Variants in NEIL1 observed in about 807,000 individuals in gnomAD.
NEIL1 encodes the protein endonuclease 8-like 1.
A neutral mutation model predicts 44.2 loss-of-function variants in NEIL1; 31 were observed. That is an observed-to-expected ratio of 0.70 (90% CI 0.53 to 0.95). The LOEUF (loss-of-function observed/expected upper bound fraction) is 0.95. NEIL1 is among the 40% of genes least tolerant of loss of function. NEIL1 has a pLI of 0.00. For missense variants in NEIL1, 549 were observed against 515.5 expected (o/e 1.07, Z -0.63); for synonymous variants, 254 against 209.7 (o/e 1.21, Z -1.83).
intron 2 of NEIL1, 77 bp downstream of exon 2, chr15:75,349,416 A>AG (rs1201018146): frequency 7.2e-7 from 1 of 1,394,406 alleles, no homozygotes; most frequent in Non-Finnish European, 9.7e-7. Flanking sequence ...TTGGCCAACA[A>AG]GGGGCGAGTC....
At position 75,354,310 on chromosome 15, in the gene NEIL1, G is replaced by A. The variant is rs777320786; in HGVS notation, c.874+33G>A. On this transcript the variant is annotated intron_variant, in intron 7 of 9. Transcript: ENST00000355059. ...ACTCCTAATGTAATAGGCTAAGAGA[G>A]CAGAAAGGACTTCACGCCTGCAAGG... 1.6e-5 allele frequency: 26 copies of A among 1,613,788 alleles called. No homozygotes were observed. The African/African-American group carries it at 3.1e-4, about 19-fold the overall frequency.
intron 1 of NEIL1, chr15:75,347,904 T>C: frequency 8.1e-7 from 1 of 1,235,738 alleles, no homozygotes; most frequent in South Asian, 1.3e-5. Context: ...CTCCCAGGTG[T>C]GGAGGGGGCA....
chr15:75,352,697 G>A lies in NEIL1; in HGVS notation c.714G>A (p.Gln238=). Residue 238 remains glutamine, a synonymous_variant, in exon 5 of 10, where the codon CAG becomes CAA. Transcript: ENST00000355059. The stretch of plus-strand genomic sequence containing the variant: ...ACTCAGTGCCCAAGGAAGTGGTCCA[G>A]TTGGGTGAGGCCAAAGATGGCAGCA... ...LCHSVPKEVV[Q]LGGKGYGSES... The A allele has an allele frequency of 6.2e-7, 1 of 1,609,866 alleles. No homozygotes were observed. The highest frequency in any genetic ancestry group is 8.5e-7 in the Non-Finnish European group (1 of 1,178,002).
rs751370159 is a variant in NEIL1 at position 75,356,626 on chromosome 15, T to C, written c.*1592T>C. 124 of 1,565,632 alleles carry C rather than the reference T, an allele frequency of 7.9e-5. 1 individual carries two copies. In the South Asian group the frequency reaches 1.3e-3, roughly 16 times the overall value. ...CTCACCCTTGTGCGGCATCAGTGCA[T>C]AGGTGAACTCGTGGCGCCCCGTGTC... On this transcript the variant is annotated 3_prime_UTR_variant, in exon 10 of 10. Transcript: ENST00000355059. This position sits in a 1 kb window ranked among gnomAD's most constrained non-coding sequence, Gnocchi z 5.8.
intron 9 of NEIL1, 43 bp from the exon 10 acceptor site, chr15:75,354,921 C>T (rs752693186): frequency 6.2e-7 from 1 of 1,612,598 alleles, no homozygotes; most frequent in African/African-American, 1.3e-5. Context: ...GCCATGGCAG[C>T]CCCTGGAGTC....
At position 75,357,095 on chromosome 15, in the gene NEIL1, T is replaced by A. The variant is rs1353934125; in HGVS notation, c.*2061T>A. 8.4e-6 allele frequency: 5 copies of A among 595,494 alleles called. No homozygotes were observed. The highest frequency in any genetic ancestry group is 1.2e-5 in the Non-Finnish European group (4 of 333,296). 36.9% of individuals were successfully genotyped at this position (595,494 alleles called of 1,614,324 possible). Reference sequence around the variant, plus strand: ...AGTTTCCTTATCTGTGAAACGGGAATAAATAATAGTACTCACCCCATCGAA... The same window carrying A: ...AGTTTCCTTATCTGTGAAACGGGAAAAAATAATAGTACTCACCCCATCGAA... On this transcript the variant is annotated 3_prime_UTR_variant, in exon 10 of 10. Coordinates refer to ENST00000355059, the MANE Select transcript of NEIL1 (RefSeq NM_024608.4).
rs942335434 is a variant in NEIL1, at chr15:75,354,018, C to T, written c.846+152C>T. ...AGGGTCACACCCCTCCCCTCCCATGCGTCCCAGGGTTGCAGCTAGTGGAAG... is the reference window on the plus strand; with the variant it reads ...AGGGTCACACCCCTCCCCTCCCATGTGTCCCAGGGTTGCAGCTAGTGGAAG... On this transcript the variant is annotated intron_variant, in intron 6 of 9. Coordinates refer to ENST00000355059, the MANE Select transcript of NEIL1 (RefSeq NM_024608.4). The T allele has an allele frequency of 8.6e-6, 10 of 1,162,006 alleles. No homozygotes were observed. In the African/African-American group the frequency reaches 9.1e-5, roughly 11 times the overall value. The allele number at this position is 1,162,006 out of a possible 1,614,324, so 72.0% of individuals were successfully genotyped here. A position where few individuals can be genotyped will look rare whatever the true frequency, so the allele number is the denominator to read the frequency against.
At position 75,356,934 on chromosome 15, in the gene NEIL1, C is replaced by G. The variant is rs899357410; in HGVS notation, c.*1900C>G. ...GGCAGATCCAAGACCCACTTGGTGG[C>G]CCTGTGCCCCTCTTTGTGCTCCCAG... On this transcript the variant is annotated 3_prime_UTR_variant, in exon 10 of 10. Transcript: ENST00000355059. This position sits in a 1 kb window ranked among gnomAD's most constrained non-coding sequence, Gnocchi z 5.8. The G allele has an allele frequency of 5.1e-6, 8 of 1,566,014 alleles. No homozygotes were observed. The highest frequency in any genetic ancestry group is 6.2e-6 in the Non-Finnish European group (7 of 1,137,146).
intron 6 of NEIL1, 120 bp from the exon 7 acceptor site, chr15:75,354,130 G>C: frequency 8.2e-7 from 1 of 1,216,994 alleles, no homozygotes. Context: ...ATGTCCTAGA[G>C]GCTTCCTAAG....
In NEIL1 at chr15:75,352,310, T is replaced by C. The variant is rs779910061; in HGVS notation, c.555-14T>C. On this transcript the variant is annotated splice_polypyrimidine_tract_variant and intron_variant, in intron 3 of 9. Coordinates refer to ENST00000355059, the MANE Select transcript of NEIL1 (RefSeq NM_024608.4). ...CCCCACTGCCTAGCATGGCTTGCCT[T>C]GCCCCCACTACAGGCTGAAGATCCC... 5 of 1,614,122 alleles carry C rather than the reference T, an allele frequency of 3.1e-6. No homozygotes were observed. In the South Asian group the frequency reaches 5.5e-5, roughly 18 times the overall value.
At chr15:75,353,390 T>G (rs558788231) in intron 5 of NEIL1, 12 of 338,232 alleles carry the variant, frequency 3.5e-5, no homozygotes, top group African/African-American at 2.1e-4. Flanking sequence ...CCGGGCTAAT[T>G]GTTAAAAATT....
At chr15:75,353,657 T>C in intron 5 of NEIL1, 82 bp from the exon 6 acceptor site, 4 of 1,459,778 alleles carry the variant, frequency 2.7e-6, no homozygotes, top group Non-Finnish European at 3.8e-6. Context: ...GTAGCTGAGG[T>C]CTGGGCCAGG....
chr15:75,356,710 G>C lies in NEIL1; in HGVS notation c.*1676G>C. 2 of 1,610,622 alleles carry C rather than the reference G, an allele frequency of 1.2e-6. No homozygotes were observed. Among genetic ancestry groups the C allele is most frequent in the Non-Finnish European group, 1.7e-6 (2 of 1,178,534 alleles). ...GCTGGGGTGAGGAGGGCGCGTAGGG[G>C]CCACGCTGAAGCTGTTGGAGTTGTG... On this transcript the variant is annotated 3_prime_UTR_variant, in exon 10 of 10. Transcript: ENST00000355059. The surrounding 1 kb of genome is among the most constrained non-coding windows in gnomAD (Gnocchi z 5.8).
rs1402509647 is a variant in NEIL1 at position 75,349,840 on chromosome 15, G to A, written c.434+501G>A. On this transcript the variant is annotated intron_variant, in intron 2 of 9. Coordinates refer to ENST00000355059, the MANE Select transcript of NEIL1 (RefSeq NM_024608.4). ...AAAAATAATGATAATAATAACTGAT[G>A]GGGGAGGAGAGAGGAGAGCCAAGAG... The A allele has an allele frequency of 2.5e-5, 4 of 161,934 alleles. No individual in the cohort carries two copies. In the South Asian group the frequency reaches 6.2e-4, roughly 25 times the overall value. 10.0% of individuals were successfully genotyped at this position (161,934 alleles called of 1,614,324 possible).
At position 75,356,682 on chromosome 15, in the gene NEIL1, C is replaced by G; in HGVS notation, c.*1648C>G. On this transcript the variant is annotated 3_prime_UTR_variant, in exon 10 of 10. Coordinates refer to ENST00000355059, the MANE Select transcript of NEIL1 (RefSeq NM_024608.4). This position sits in a 1 kb window ranked among gnomAD's most constrained non-coding sequence, Gnocchi z 5.8. ...TAGCGTCCGGGGCTTTAGGCGCCCG[C>G]AAGCTGGGGTGAGGAGGGCGCGTAG... The G allele has an allele frequency of 6.3e-7, 1 of 1,596,864 alleles. No individual in the cohort carries two copies. The highest frequency in any genetic ancestry group is 8.5e-7 in the Non-Finnish European group (1 of 1,172,108).
At chr15:75,347,868 C>T (rs1428298602) in intron 1 of NEIL1, 2 of 1,196,740 alleles carry the variant, frequency 1.7e-6, no homozygotes, top group South Asian at 1.4e-5. Flanking sequence ...GCAAAACGAG[C>T]CCTGTGGGTG....
Position 75,356,673 on chromosome 15 carries a change from A to C in NEIL1, c.*1639A>C. The C allele has an allele frequency of 6.3e-7, 1 of 1,590,196 alleles. No individual in the cohort carries two copies. The highest frequency in any genetic ancestry group is 8.6e-7 in the Non-Finnish European group (1 of 1,168,746). On this transcript the variant is annotated 3_prime_UTR_variant, in exon 10 of 10. Transcript: ENST00000355059. The surrounding 1 kb of genome is among the most constrained non-coding windows in gnomAD (Gnocchi z 5.8). ...TGTCAGCAGTAGCGTCCGGGGCTTT[A>C]GGCGCCCGCAAGCTGGGGTGAGGAG... is the stretch of plus-strand genomic sequence containing the variant.
At position 75,355,665 on chromosome 15, in the gene NEIL1, C is replaced by A. The variant is rs2072269323; in HGVS notation, c.*631C>A. Reference sequence around the variant, plus strand: ...TCTCCTGTGGGGGCTGCAACCCAGACCCTGCACGCACAGGTACCTTAGGAT... The same window carrying A: ...TCTCCTGTGGGGGCTGCAACCCAGAACCTGCACGCACAGGTACCTTAGGAT... On this transcript the variant is annotated 3_prime_UTR_variant, in exon 10 of 10. Transcript: ENST00000355059. 2 of 499,602 alleles carry A rather than the reference C, an allele frequency of 4.0e-6. No individual in the cohort carries two copies. Among genetic ancestry groups the A allele is most frequent in the South Asian group, 2.2e-5 (1 of 45,644 alleles). The allele number at this position is 499,602 out of a possible 1,614,324, so 30.9% of individuals were successfully genotyped here.
chr15:75,354,772 C>T lies in NEIL1; in HGVS notation c.1056C>T (p.Pro352=). 1 of 1,614,150 alleles carries T rather than the reference C, an allele frequency of 6.2e-7. No individual in the cohort carries two copies. Among genetic ancestry groups the T allele is most frequent in the Non-Finnish European group, 8.5e-7 (1 of 1,180,030 alleles). Residue 352 remains proline, a synonymous_variant, in exon 9 of 10, where the codon CCC becomes CCT. Transcript: ENST00000355059. ...GCCTCCAGCAGGACCCAGAAGCTCCCACAGTGCCCAAGAAGGGGAGGAGGA... is the reference window on the plus strand; with the variant it reads ...GCCTCCAGCAGGACCCAGAAGCTCCTACAGTGCCCAAGAAGGGGAGGAGGA... ...GTSLQQDPEA[P]TVPKKGRRKG...
Sources: allele counts gnomAD v4.1 joint callset, GRCh38; gene constraint gnomAD v4.1.1; non-coding constraint Gnocchi (gnomAD v3.1); transcripts MANE v1.5; gene names NCBI Gene and HGNC (gene_info 2026-07-23, HGNC 2026-07-21).